STAP2: variants seen among roughly 807,000 people sequenced by gnomAD.
STAP2 encodes the protein signal transducing adaptor family member 2.
A neutral mutation model predicts 52.7 loss-of-function variants in STAP2; 58 were observed. That is an observed-to-expected ratio of 1.10 (90% CI 0.89 to 1.37). The LOEUF (loss-of-function observed/expected upper bound fraction) is 1.37, where lower values mean the gene tolerates loss of function less well. STAP2 is among the 40% of genes most tolerant of loss of function. STAP2 has a pLI of 0.00. For synonymous variants in STAP2, 231 were observed against 210.5 expected (o/e 1.10, Z -0.84); for missense variants, 522 against 519.4 (o/e 1.00, Z -0.05).
At chr19:4,338,553 C>A in intron 1 of STAP2, 99 bp downstream of exon 1, 4 of 657,682 alleles carry the variant, frequency 6.1e-6, no homozygotes, top group South Asian at 1.9e-5. Flanking sequence ...CCAGCACCCA[C>A]CCCGCCCCCC....
intron 1 of STAP2, among the ~76,000 whole-genome samples, chr19:4,336,915 G>A (rs1402839184): frequency 1.3e-5 from 2 of 152,010 alleles, no homozygotes; most frequent in Non-Finnish European, 1.5e-5. Context: ...GATTACAGGC[G>A]TGAGCCACAA....
chr19:4,338,812 G>A lies in STAP2; in HGVS notation c.-59C>T, dbSNP rs1972022635. Reference sequence around the variant, plus strand: ...TCCAGTGGGTGCCCCAGCTGGGCCGGGAAGCTGAGAAACAGGTTTCAGGGG... The same window carrying A: ...TCCAGTGGGTGCCCCAGCTGGGCCGAGAAGCTGAGAAACAGGTTTCAGGGG... On this transcript the variant is annotated 5_prime_UTR_variant, in exon 1 of 13. Transcript: ENST00000594605. 1.3e-5 allele frequency: 20 copies of A among 1,568,348 alleles called. No individual in the cohort carries two copies. Among genetic ancestry groups the A allele is most frequent in the Middle Eastern group, 1.7e-4 (1 of 5,798 alleles).
In STAP2 at chr19:4,338,692, T is replaced by TA; in HGVS notation, c.61dup (p.Tyr21LeufsTer3). On this transcript the variant is annotated frameshift_variant, in exon 1 of 13. Coordinates refer to ENST00000594605, the MANE Select transcript of STAP2 (RefSeq NM_001013841.2). LOFTEE classifies it high-confidence loss of function. Reference sequence around the variant, plus strand: ...CTTCTTCTCTAGAAAGCTCTCATAGTAGTGTGAAGGCAGGACACCCTTAGG... The same window carrying TA: ...CTTCTTCTCTAGAAAGCTCTCATAGTAAGTGTGAAGGCAGGACACCCTTAGG... 1 of 1,613,486 alleles carries TA rather than the reference T, an allele frequency of 6.2e-7. No individual in the cohort carries two copies. The highest frequency in any genetic ancestry group is 8.5e-7 in the Non-Finnish European group (1 of 1,179,732).
chr19:4,327,117 C>A lies in STAP2; in HGVS notation c.763+7G>T, dbSNP rs1464514425. On this transcript the variant is annotated splice_region_variant and intron_variant, in intron 8 of 12. Transcript: ENST00000594605. ...TGGGCCCCCGAACTCCCCGAAGGGG[C>A]ACCCACCTAGCACCTTCTCGTAGTC... The A allele has an allele frequency of 3.3e-5, 54 of 1,614,022 alleles. No homozygotes were observed. The highest frequency in any genetic ancestry group is 4.3e-5 in the Non-Finnish European group (51 of 1,180,004).
chr19:4,334,071 A>G, intron 1 of STAP2, 27 bp from the exon 2 acceptor site: 1 of 1,597,258 alleles, frequency 6.3e-7, no homozygotes, highest in Non-Finnish European at 8.5e-7. Context: ...CAGAAAGAAG[A>G]GGTGAGCTGG....
At chr19:4,337,354 C>G (rs1229520407) in intron 1 of STAP2, among the ~76,000 whole-genome samples, 2 of 151,064 alleles carry the variant, frequency 1.3e-5, no homozygotes, top group Non-Finnish European at 3.0e-5. Context: ...GCCTCAGCCT[C>G]CAGAGTAGCT....
intron 6 of STAP2, chr19:4,328,046 A>C: frequency 6.3e-6 from 1 of 159,810 alleles, no homozygotes; most frequent in South Asian, 1.7e-4. Context: ...TGCGTACCTG[A>C]CGTTCCGGAG....
chr19:4,330,190 A>C (rs1971866682), intron 4 of STAP2, 129 bp from the exon 5 acceptor site: 2 of 698,012 alleles, frequency 2.9e-6, no homozygotes, highest in Non-Finnish European at 5.1e-6. Context: ...GAGGGCAAAG[A>C]GGGCTTCGAG....
At chr19:4,332,574 C>T (rs1454263352) in intron 3 of STAP2, among the ~76,000 whole-genome samples, 1 of 151,996 alleles carries the variant, frequency 6.6e-6, no homozygotes, top group African/African-American at 2.4e-5. Context: ...TGCAGTGGCT[C>T]ACTCACGCCT....
At chr19:4,334,152 C>T (rs1051329892) in intron 1 of STAP2, 108 bp from the exon 2 acceptor site, 24 of 845,110 alleles carry the variant, frequency 2.8e-5, no homozygotes, top group African/African-American at 1.4e-4. Flanking sequence ...CTCTGCCCCA[C>T]GCTGCCCCCA....
rs373938612 is a variant in STAP2 at position 4,336,003 on chromosome 19, TTTTTG to T, written c.103-1964_103-1960del. Reference sequence around the variant, plus strand: ...TCTTCTTAATTCGGGCCCATGATCTTTTTTGTTTTGTTTTGTTTTGTTTTTAAGAG... The same window carrying T: ...TCTTCTTAATTCGGGCCCATGATCTTTTTTGTTTTGTTTTGTTTTTAAGAG... On this transcript the variant is annotated intron_variant, in intron 1 of 12. Coordinates refer to ENST00000594605, the MANE Select transcript of STAP2 (RefSeq NM_001013841.2). 5.9e-5 allele frequency among the ~76,000 whole-genome samples: 9 copies of T among 151,952 alleles called. No individual in the cohort carries two copies. The South Asian group carries it at 8.3e-4, about 14-fold the overall frequency.
chr19:4,330,422 T>C (rs1971870778), intron 4 of STAP2, among the ~76,000 whole-genome samples: 1 of 151,024 alleles, frequency 6.6e-6, no homozygotes, highest in South Asian at 2.1e-4. Flanking sequence ...CTCGGGAGGC[T>C]GGGGCAGGAG....
rs559269915 is a variant in STAP2 at position 4,328,535 on chromosome 19, G to T, written c.590+140C>A. 2.0e-5 allele frequency: 24 copies of T among 1,208,066 alleles called. No individual in the cohort carries two copies. The South Asian group carries it at 2.9e-4, about 15-fold the overall frequency. The allele number at this position is 1,208,066 out of a possible 1,614,324, so 74.8% of individuals were successfully genotyped here. A position where few individuals can be genotyped will look rare whatever the true frequency, so the allele number is the denominator to read the frequency against. ...CAGCTCAGCTCTGACTCCGTCCCCA[G>T]ACGCCCGTCTCGGCTCTGGCTCCGT... On this transcript the variant is annotated intron_variant, in intron 6 of 12. Transcript: ENST00000594605.
chr19:4,327,094 G>T (rs759457005), intron 8 of STAP2, 30 bp downstream of exon 8: 48 of 1,612,988 alleles, frequency 3.0e-5, no homozygotes, highest in Non-Finnish European at 3.4e-6. Flanking sequence ...GTGAGCACTG[G>T]GCCCCCGAAC....
chr19:4,334,794 C>CCACCCACT (rs1971947626), intron 1 of STAP2, among the ~76,000 whole-genome samples: 10 of 149,816 alleles, frequency 6.7e-5, no homozygotes, highest in South Asian at 2.1e-4. Flanking sequence ...GTCCACCCAT[C>CCACCCACT]CATCCATCCC....
In STAP2 at chr19:4,325,411, A is replaced by G. The variant is rs1288951904; in HGVS notation, c.964T>C (p.Tyr322His). The G allele has an allele frequency of 1.2e-6, 2 of 1,613,928 alleles. No individual in the cohort carries two copies. The highest frequency in any genetic ancestry group is 1.7e-6 in the Non-Finnish European group (2 of 1,180,032). Residue 322 changes from tyrosine (Y) to histidine (H), a missense_variant, in exon 10 of 13, where the codon TAT becomes CAT. Tyr to His is a moderately conservative substitution (Grantham distance 83). Transcript: ENST00000594605. ...TPIGDGPAVD[Y>H]ENQDVASSSW... ...CCCCACCCACCATCTTGGTTCTCATAGTCAACAGCTGGGCCATCTCCAATG... is the reference window on the plus strand; with the variant it reads ...CCCCACCCACCATCTTGGTTCTCATGGTCAACAGCTGGGCCATCTCCAATG...
At chr19:4,331,671 G>A (rs1032117742) in intron 4 of STAP2, among the ~76,000 whole-genome samples, 1 of 151,534 alleles carries the variant, frequency 6.6e-6, no homozygotes, top group East Asian at 1.9e-4. Flanking sequence ...GGTGGCTCAC[G>A]CCTGTAATCC....
chr19:4,336,220 G>C (rs1971977889), intron 1 of STAP2, among the ~76,000 whole-genome samples: 1 of 151,600 alleles, frequency 6.6e-6, no homozygotes, highest in African/African-American at 2.4e-5. Context: ...ACTATATGTT[G>C]GCCAGGGTGT....
Position 4,325,226 on chromosome 19 carries a change from T to C in STAP2, c.1062A>G (p.Gly354=), listed in dbSNP as rs1599546676. ...PPAKLPKPPV[G]PKPEPKVFNG... The stretch of plus-strand genomic sequence containing the variant: ...GGGGGGGACCCCAACCTGGCTTGGG[T>C]CCAACGGGTGGCTTTGGAAGCTTGG... Residue 354 remains glycine, a synonymous_variant, in exon 11 of 13, where the codon GGA becomes GGG. Transcript: ENST00000594605. 1.9e-6 allele frequency: 3 copies of C among 1,587,730 alleles called. No homozygotes were observed. Among genetic ancestry groups the C allele is most frequent in the South Asian group, 1.1e-5 (1 of 88,048 alleles).
Sources: allele counts gnomAD v4.1 joint callset (sites outside exome capture counted in the v4.1 genomes callset), GRCh38; gene constraint gnomAD v4.1.1; transcripts MANE v1.5; gene names NCBI Gene and HGNC (gene_info 2026-07-23, HGNC 2026-07-21).